The following PLA2G4A variants were observed in gnomAD, a reference collection of about 807,000 sequenced individuals.
The protein encoded by PLA2G4A is phospholipase A2 group IVA.
PLA2G4A carries 40 observed loss-of-function variants against 81.9 expected under a neutral mutation model. The observed-to-expected ratio is 0.49, with a 90% CI of 0.38 to 0.64. The LOEUF is 0.64. Ranked by LOEUF, PLA2G4A falls within the 30% of genes least tolerant of loss-of-function variation. The pLI, the probability that PLA2G4A is intolerant of heterozygous loss-of-function variation, is 0.00. For synonymous variants in PLA2G4A, 302 were observed against 296.9 expected (o/e 1.02, Z -0.18); for missense variants, 715 against 905.1 (o/e 0.79, Z 2.69).
chr1:186,891,785 T>C (rs1489309980), intron 3 of PLA2G4A, among the ~76,000 whole-genome samples: 1 of 152,234 alleles, frequency 6.6e-6, no homozygotes, highest in East Asian at 1.9e-4. Flanking sequence ...CTCTTCAGTA[T>C]ACTGATTCCT....
intron 1 of PLA2G4A, among the ~76,000 whole-genome samples, chr1:186,830,598 A>C (rs918529941): frequency 7.9e-6 from 1 of 126,342 alleles, no homozygotes; most frequent in Non-Finnish European, 1.6e-5. Flanking sequence ...AAAACAGCGA[A>C]GCTCTGTCTC....
chr1:186,881,312 A>G (rs557074703), intron 3 of PLA2G4A, among the ~76,000 whole-genome samples: 13 of 152,232 alleles, frequency 8.5e-5, no homozygotes, highest in African/African-American at 2.4e-4. Context: ...ATAAAACTGC[A>G]TTGTAATTTC....
chr1:186,954,998 A>C (rs1402715328), intron 13 of PLA2G4A, among the ~76,000 whole-genome samples: 1 of 152,190 alleles, frequency 6.6e-6, no homozygotes, highest in African/African-American at 2.4e-5. Flanking sequence ...GAGGTTTATC[A>C]GTGAGGAAAT....
chr1:186,846,837 T>A (rs1294406660), intron 1 of PLA2G4A, among the ~76,000 whole-genome samples: 1 of 152,096 alleles, frequency 6.6e-6, no homozygotes, highest in African/African-American at 2.4e-5. Flanking sequence ...TTAACTATAT[T>A]TTTGAGTTAT....
At chr1:186,907,859 A>G (rs1654795733) in intron 6 of PLA2G4A, among the ~76,000 whole-genome samples, 2 of 152,242 alleles carry the variant, frequency 1.3e-5, no homozygotes, top group African/African-American at 4.8e-5. Flanking sequence ...CAAATATCAA[A>G]GGATAGTCCA....
At chr1:186,934,014 A>G (rs1016685122) in intron 8 of PLA2G4A, among the ~76,000 whole-genome samples, 1 of 152,130 alleles carries the variant, frequency 6.6e-6, no homozygotes, top group African/African-American at 2.4e-5. Flanking sequence ...TCTTCTCTAT[A>G]TGTACCCTCA....
At chr1:186,928,341 T>C in intron 7 of PLA2G4A, among the ~76,000 whole-genome samples, 1 of 152,168 alleles carries the variant, frequency 6.6e-6, no homozygotes, top group Non-Finnish European at 1.5e-5. Flanking sequence ...CTATATTGGC[T>C]GCCGGTGTTC....
intron 7 of PLA2G4A, among the ~76,000 whole-genome samples, chr1:186,911,877 A>G (rs538383412): frequency 6.6e-6 from 1 of 152,274 alleles, no homozygotes; most frequent in Non-Finnish European, 1.5e-5. Flanking sequence ...TTAGTCCAAG[A>G]CAAAGGTGCA....
At chr1:186,923,155 A>G (rs1049281613) in intron 7 of PLA2G4A, among the ~76,000 whole-genome samples, 1 of 152,198 alleles carries the variant, frequency 6.6e-6, no homozygotes, top group Non-Finnish European at 1.5e-5. Context: ...AGCACAAGCC[A>G]CCATGCCTGG....
At chr1:186,839,050 T>C (rs1294775617) in intron 1 of PLA2G4A, among the ~76,000 whole-genome samples, 3 of 143,108 alleles carry the variant, frequency 2.1e-5, no homozygotes, top group Non-Finnish European at 3.0e-5. Context: ...TATTGACTCA[T>C]ATTTCCTCAA....
At chr1:186,928,302 AG>A (rs1338988688) in intron 7 of PLA2G4A, among the ~76,000 whole-genome samples, 1 of 152,218 alleles carries the variant, frequency 6.6e-6, no homozygotes, top group East Asian at 1.9e-4. Flanking sequence ...CCATATCAGA[AG>A]CAATGGAGAA....
chr1:186,853,055 C>T (rs1652429864), intron 1 of PLA2G4A, among the ~76,000 whole-genome samples: 1 of 151,934 alleles, frequency 6.6e-6, no homozygotes, highest in Admixed American at 6.6e-5. Flanking sequence ...ACTTTAAAAA[C>T]ATTTTTTTTC....
At chr1:186,963,708 T>C (rs1657036009) in intron 14 of PLA2G4A, among the ~76,000 whole-genome samples, 1 of 152,250 alleles carries the variant, frequency 6.6e-6, no homozygotes, top group Non-Finnish European at 1.5e-5. Flanking sequence ...GTAACATTTA[T>C]TTGTTATTCA....
At chr1:186,924,309 T>A (rs564134394) in intron 7 of PLA2G4A, among the ~76,000 whole-genome samples, 1 of 152,358 alleles carries the variant, frequency 6.6e-6, no homozygotes, top group Non-Finnish European at 1.5e-5. Flanking sequence ...ACATTTTCTA[T>A]ACAAGCTCAT....
chr1:186,961,968 T>C (rs1208943816), intron 14 of PLA2G4A, among the ~76,000 whole-genome samples: 1 of 152,172 alleles, frequency 6.6e-6, no homozygotes, highest in Non-Finnish European at 1.5e-5. Flanking sequence ...CCATTCTGAG[T>C]AGCATGATGA....
chr1:186,909,104 G>T (rs1353818631), intron 6 of PLA2G4A, among the ~76,000 whole-genome samples: 1 of 149,016 alleles, frequency 6.7e-6, no homozygotes, highest in Non-Finnish European at 1.5e-5. Flanking sequence ...CTCCCGAGTA[G>T]CTGGGACTAC....
intron 13 of PLA2G4A, among the ~76,000 whole-genome samples, chr1:186,951,387 G>A (rs1307505764): frequency 6.6e-6 from 1 of 151,758 alleles, no homozygotes; most frequent in Non-Finnish European, 1.5e-5. Context: ...TAAATGTTTT[G>A]TGGTAAAATA....
intron 17 of PLA2G4A, among the ~76,000 whole-genome samples, chr1:186,984,278 C>G (rs529197384): frequency 6.6e-6 from 1 of 152,250 alleles, no homozygotes; most frequent in East Asian, 1.9e-4. Flanking sequence ...GCTGCATACT[C>G]TATCTACTCT....
chr1:186,949,344 AAGAG>A (rs1656457019), intron 12 of PLA2G4A, among the ~76,000 whole-genome samples: 1 of 137,280 alleles, frequency 7.3e-6, no homozygotes, highest in African/African-American at 2.5e-5. Context: ...AGAAGAAAGA[AAGAG>A]AAAGAAAGAA....
Sources: gnomAD v4.1 joint callset for allele counts (sites outside exome capture counted in the v4.1 genomes callset) on GRCh38, gnomAD v4.1.1 for gene constraint, MANE v1.5 for transcripts, NCBI Gene and HGNC (gene_info 2026-07-23, HGNC 2026-07-21) for gene names.